CLCN3: variants seen among roughly 807,000 people sequenced by gnomAD.
CLCN3 encodes the protein H(+)/Cl(-) exchange transporter 3.
Under a neutral mutation model 83.4 loss-of-function variants are expected in CLCN3, and 16 were observed. The ratio of observed to expected loss-of-function variants is 0.19; its 90% CI spans 0.13 to 0.29. The LOEUF (loss-of-function observed/expected upper bound fraction) is 0.29, where lower values mean the gene tolerates loss of function less well. CLCN3 is among the 10% of genes least tolerant of loss of function. CLCN3 has a pLI of 1.00. For missense variants in CLCN3, 544 were observed against 1,006.0 expected, an observed-to-expected ratio of 0.54 and a Z score of 6.21; for synonymous variants, 322 against 346.2, an observed-to-expected ratio of 0.93 and a Z score of 0.78.
At chr4:169,657,894 C>CT (rs1349698836) in intron 2 of CLCN3, among the ~76,000 whole-genome samples, 1 of 152,144 alleles carries the variant, frequency 6.6e-6, no homozygotes, top group Non-Finnish European at 1.5e-5. Flanking sequence ...TAAAAAGTCT[C>CT]TATCAAAGTC....
chr4:169,683,014 G>T (rs760397121), intron 3 of CLCN3, among the ~76,000 whole-genome samples: 12 of 152,174 alleles, frequency 7.9e-5, no homozygotes, highest in Admixed American at 1.3e-4. Context: ...AATCCAAAGT[G>T]CCTAGATCAG....
At chr4:169,715,532 G>T (rs1733391510) in intron 12 of CLCN3, among the ~76,000 whole-genome samples, 1 of 152,062 alleles carries the variant, frequency 6.6e-6, no homozygotes, top group African/African-American at 2.4e-5. Flanking sequence ...ACCCAGAAAA[G>T]AAATGATATC....
chr4:169,652,940 C>G (rs1730769191), intron 2 of CLCN3, among the ~76,000 whole-genome samples: 1 of 152,154 alleles, frequency 6.6e-6, no homozygotes, highest in Admixed American at 6.5e-5. Context: ...ATTGGAGTGT[C>G]TATCTTACAG....
rs961592016 is a variant in CLCN3 at position 169,720,434 on chromosome 4, G to T, written c.*437G>T. 4.8e-5 allele frequency: 8 copies of T among 168,030 alleles called. No individual in the cohort carries two copies. Among genetic ancestry groups the T allele is most frequent in the Non-Finnish European group, 7.6e-5 (6 of 78,758 alleles). The allele number at this position is 168,030 out of a possible 1,614,324, so 10.4% of individuals were successfully genotyped here. A position where few individuals can be genotyped will look rare whatever the true frequency, so the allele number is the denominator to read the frequency against. On this transcript the variant is annotated 3_prime_UTR_variant, in exon 13 of 13. Transcript: ENST00000513761. ...ATTGAGCCATCTATAAAACTGCAAG[G>T]TCTTGCCCTTTTTTTTAATCAAAAC...
Position 169,680,036 on chromosome 4 carries a change from TTTCTC to T in CLCN3, c.161-9_161-5del, listed in dbSNP as rs774585353. On this transcript the variant is annotated splice_polypyrimidine_tract_variant and intron_variant, in intron 2 of 12. Coordinates refer to ENST00000513761, the MANE Select transcript of CLCN3 (RefSeq NM_001829.4). Reference sequence around the variant, plus strand: ...CTTCTAAAACATACTCATCTTTCCTTTTCTCTTCTGTAGGAACTCATTATACAATG... The same window carrying T: ...CTTCTAAAACATACTCATCTTTCCTTTTCTGTAGGAACTCATTATACAATG... 30 of 1,603,866 alleles carry T rather than the reference TTTCTC, an allele frequency of 1.9e-5. No homozygotes were observed. Among genetic ancestry groups the T allele is most frequent in the African/African-American group, 1.6e-4 (12 of 74,694 alleles).
intron 3 of CLCN3, among the ~76,000 whole-genome samples, chr4:169,684,512 A>C (rs539820540): frequency 6.6e-6 from 1 of 152,146 alleles, no homozygotes; most frequent in African/African-American, 2.4e-5. Flanking sequence ...TTAGTTTGCT[A>C]TCTGTGTCCT....
rs532845115 is a variant in CLCN3, at chr4:169,669,988, A to C, written c.161-10062A>C. 5.1e-4 allele frequency among the ~76,000 whole-genome samples: 78 copies of C among 151,994 alleles called. 1 individual carries two copies. The highest frequency in any genetic ancestry group is 1.1e-3 in the Non-Finnish European group (72 of 68,002). ...GGGGTTGTTTGTTTTTTTCTTGTACATTTGTTTAAGTTCCTTGTAGATTCT... is the reference window on the plus strand; with the variant it reads ...GGGGTTGTTTGTTTTTTTCTTGTACCTTTGTTTAAGTTCCTTGTAGATTCT... On this transcript the variant is annotated intron_variant, in intron 2 of 12. Coordinates refer to ENST00000513761, the MANE Select transcript of CLCN3 (RefSeq NM_001829.4).
chr4:169,633,422 G>A (rs1773428858), intron 1 of CLCN3, among the ~76,000 whole-genome samples: 1 of 152,142 alleles, frequency 6.6e-6, no homozygotes, highest in Non-Finnish European at 1.5e-5. Flanking sequence ...TGGAAAAGGT[G>A]ACTTTGCATT....
At chr4:169,712,850 T>A (rs1733275987) in intron 11 of CLCN3, among the ~76,000 whole-genome samples, 1 of 152,224 alleles carries the variant, frequency 6.6e-6, no homozygotes, top group Non-Finnish European at 1.5e-5. Context: ...CAAAAAATAA[T>A]TTCTTTCCAT....
chr4:169,673,537 A>G (rs1731558780), intron 2 of CLCN3, among the ~76,000 whole-genome samples: 1 of 151,880 alleles, frequency 6.6e-6, no homozygotes, highest in South Asian at 2.1e-4. Flanking sequence ...TGTATTATGG[A>G]TACATGTTAA....
At chr4:169,656,043 C>G (rs1315628604) in intron 2 of CLCN3, among the ~76,000 whole-genome samples, 1 of 151,638 alleles carries the variant, frequency 6.6e-6, no homozygotes, top group African/African-American at 2.4e-5. Context: ...TATTGATTGT[C>G]CCCCAGAAAA....
rs1452111370 is a variant in CLCN3, at chr4:169,620,844, C to T, written c.-236C>T. The T allele has an allele frequency of 2.5e-6, 1 of 398,412 alleles. No homozygotes were observed. Among genetic ancestry groups the T allele is most frequent in the Non-Finnish European group, 4.4e-6 (1 of 226,070 alleles). The allele number at this position is 398,412 out of a possible 1,614,324, so 24.7% of individuals were successfully genotyped here. A position where few individuals can be genotyped will look rare whatever the true frequency, so the allele number is the denominator to read the frequency against. ...AGAGGATTTAACTTCATGTTGCTCC[C>T]GTGTTTGAAGGAGGACAATAAAAGT... On this transcript the variant is annotated 5_prime_UTR_variant, in exon 1 of 13. Transcript: ENST00000513761.
Position 169,692,249 on chromosome 4 carries a change from G to T in CLCN3, c.865G>T (p.Ala289Ser), listed in dbSNP as rs1560862182. Residue 289 changes from alanine (A) to serine (S), a missense_variant, in exon 7 of 13, where the codon GCC (alanine) becomes TCC (serine). Physicochemically the swap from Ala to Ser is moderately conservative, Grantham distance 99. This residue lies in a region of CLCN3 where 194 missense variants were observed against 341.4 expected (regional missense o/e 0.57). Transcript: ENST00000513761. Reference protein sequence around the residue: ...LGKEGPLVHVACCCGNIFSYL... With the variant: ...LGKEGPLVHVSCCCGNIFSYL... ...AAAAGAAGGTCCCCTGGTACATGTT[G>T]CCTGTTGCTGCGGAAATATCTTTTC... 6.2e-7 allele frequency: 1 copy of T among 1,613,644 alleles called. No individual in the cohort carries two copies. The highest frequency in any genetic ancestry group is 1.7e-5 in the Admixed American group (1 of 60,016).
At chr4:169,698,503 C>G (rs947965614) in intron 9 of CLCN3, among the ~76,000 whole-genome samples, 3 of 152,044 alleles carry the variant, frequency 2.0e-5, no homozygotes, top group Non-Finnish European at 4.4e-5. Context: ...TCAGGATTCC[C>G]AAGAGGGCTG....
chr4:169,647,411 G>A (rs999755404), intron 2 of CLCN3, among the ~76,000 whole-genome samples: 1 of 151,928 alleles, frequency 6.6e-6, no homozygotes, highest in Non-Finnish European at 1.5e-5. Flanking sequence ...ATCTTATATA[G>A]TTAACTTTAG....
At chr4:169,664,432 A>C (rs1181211625) in intron 2 of CLCN3, among the ~76,000 whole-genome samples, 5 of 152,064 alleles carry the variant, frequency 3.3e-5, no homozygotes, top group Admixed American at 3.3e-4. Flanking sequence ...GTGTTATATG[A>C]TATTCTTATT....
At chr4:169,639,998 G>A (rs570933492) in intron 2 of CLCN3, among the ~76,000 whole-genome samples, 8 of 152,126 alleles carry the variant, frequency 5.3e-5, no homozygotes, top group African/African-American at 7.2e-5. Context: ...TTATTCCCAC[G>A]TACAACATAG....
At chr4:169,710,309 G>A (rs1447106279) in intron 11 of CLCN3, among the ~76,000 whole-genome samples, 1 of 152,140 alleles carries the variant, frequency 6.6e-6, no homozygotes, top group African/African-American at 2.4e-5. Context: ...CTGTTTCTCA[G>A]GCTGGAATGC....
intron 12 of CLCN3, among the ~76,000 whole-genome samples, chr4:169,719,416 A>T (rs1214698201): frequency 6.6e-6 from 1 of 152,198 alleles, no homozygotes; most frequent in East Asian, 1.9e-4. Context: ...GTGAGCTGAG[A>T]TCGCGCCACT....
Sources: gnomAD v4.1 joint callset for allele counts (sites outside exome capture counted in the v4.1 genomes callset) on GRCh38, gnomAD v4.1.1 for gene constraint, gnomAD v4.1.1 regional missense constraint, MANE v1.5 for transcripts, NCBI Gene and HGNC (gene_info 2026-07-23, HGNC 2026-07-21) for gene names.